The following LRRIQ1 variants were observed in gnomAD, a reference collection of about 807,000 sequenced individuals.
LRRIQ1 encodes leucine rich repeats and IQ motif containing 1.
In LRRIQ1, 210 loss-of-function variants were observed where a neutral mutation model predicts 211.9. The observed-to-expected ratio is 0.99, with a 90% CI of 0.89 to 1.11. The LOEUF (loss-of-function observed/expected upper bound fraction) is 1.11, where lower values mean the gene tolerates loss of function less well. Among genes scored for constraint, LRRIQ1 ranks in the 50% most tolerant of loss-of-function variants. The pLI is 0.00. For synonymous variants in LRRIQ1, 699 were observed against 650.1 expected (o/e 1.08, Z -1.14); for missense variants, 2,136 against 1,939.5 (o/e 1.10, Z -1.90).
At chr12:85,262,800 C>T (rs1896335327) in intron 1 of LRRIQ1, 1 of 380,392 alleles carries the variant, frequency 2.6e-6, no homozygotes, top group African/African-American at 2.2e-5. Context: ...CTGTTAAACT[C>T]CAAGATCATA....
chr12:85,161,776 C>T (rs964514240), intron 24 of LRRIQ1, among the ~76,000 whole-genome samples: 1 of 152,140 alleles, frequency 6.6e-6, no homozygotes, highest in African/African-American at 2.4e-5. Flanking sequence ...CGTGATGGCT[C>T]ACGCCTGTAA....
intron 23 of LRRIQ1, among the ~76,000 whole-genome samples, chr12:85,155,284 A>G (rs1228643780): frequency 2.0e-5 from 3 of 151,530 alleles, no homozygotes; most frequent in African/African-American, 7.3e-5. Flanking sequence ...GAAAATATAA[A>G]CACCTTGCTT....
rs867487096 is a variant in LRRIQ1, at chr12:85,124,274, T to C, written c.3762T>C (p.Arg1254=). Residue 1254 remains arginine (R), a synonymous_variant, in exon 17 of 27, where the codon CGT becomes CGC. Coordinates refer to ENST00000393217, the MANE Select transcript of LRRIQ1 (RefSeq NM_001079910.2). ...LQNGVFYSCA[R]EGEPDSPDIP... Reference sequence around the variant, plus strand: ...ATGGAGTCTTCTACTCTTGTGCACGTGAAGGTGAGCCAGACTCACCAGATA... The same window carrying C: ...ATGGAGTCTTCTACTCTTGTGCACGCGAAGGTGAGCCAGACTCACCAGATA... The C allele has an allele frequency of 8.1e-6, 13 of 1,614,024 alleles. 2 individuals carry two copies. In the Middle Eastern group the frequency reaches 2.0e-3, roughly 246 times the overall value.
the LRRIQ1 span, among the ~76,000 whole-genome samples, chr12:85,272,652 T>G: frequency 6.6e-6 from 1 of 152,198 alleles, no homozygotes; most frequent in African/African-American, 2.4e-5. Flanking sequence ...TTTAATTGCT[T>G]ATTATATTTG....
At chr12:85,117,983 A>G (rs373011705) in intron 15 of LRRIQ1, among the ~76,000 whole-genome samples, 72 of 152,172 alleles carry the variant, frequency 4.7e-4, no homozygotes, top group African/African-American at 1.6e-3. Flanking sequence ...TGATTTCTTC[A>G]TTTATTTTTG....
rs1290778405 is a variant in LRRIQ1, at chr12:85,098,858, TA to T, written c.3082-6del. The T allele has an allele frequency of 1.3e-6, 2 of 1,537,894 alleles. No individual in the cohort carries two copies. Among genetic ancestry groups the T allele is most frequent in the Admixed American group, 4.2e-5 (2 of 47,980 alleles). On this transcript the variant is annotated splice_region_variant and splice_polypyrimidine_tract_variant and intron_variant, in intron 12 of 26. Transcript: ENST00000393217. Reference sequence around the variant, plus strand: ...TTAATATAAACTAATGAACCAAATTTAAATATAGCTTCCATCCTTGGAGAAT... The same window carrying T: ...TTAATATAAACTAATGAACCAAATTTAATATAGCTTCCATCCTTGGAGAAT...
At chr12:85,235,234 A>G (rs1378873144) in intron 26 of LRRIQ1, among the ~76,000 whole-genome samples, 2 of 152,204 alleles carry the variant, frequency 1.3e-5, no homozygotes, top group African/African-American at 2.4e-5. Context: ...GTCACGTCAA[A>G]TATATAGACA....
At chr12:85,088,582 G>A (rs1395089398) in intron 11 of LRRIQ1, among the ~76,000 whole-genome samples, 6 of 152,110 alleles carry the variant, frequency 3.9e-5, no homozygotes, top group African/African-American at 1.4e-4. Context: ...CCATGATGAT[G>A]GAATGTTTTT....
intron 19 of LRRIQ1, among the ~76,000 whole-genome samples, chr12:85,145,421 G>C (rs1444803315): frequency 6.6e-6 from 1 of 151,586 alleles, no homozygotes; most frequent in Non-Finnish European, 1.5e-5. Context: ...ACAACCAAGA[G>C]TCATTTTATT....
intron 1 of LRRIQ1, among the ~76,000 whole-genome samples, chr12:85,259,395 T>G (rs2137330152): frequency 6.6e-6 from 1 of 152,192 alleles, no homozygotes; most frequent in Admixed American, 6.5e-5. Context: ...TTTTTTCATT[T>G]CTGGAGTAAT....
At chr12:85,119,812 A>C (rs1887844941) in intron 15 of LRRIQ1, among the ~76,000 whole-genome samples, 1 of 152,084 alleles carries the variant, frequency 6.6e-6, no homozygotes, top group South Asian at 2.1e-4. Flanking sequence ...TCATCTGTAT[A>C]TATTCTTTAG....
intron 24 of LRRIQ1, among the ~76,000 whole-genome samples, chr12:85,208,007 T>A (rs538635486): frequency 7.1e-6 from 1 of 140,856 alleles, no homozygotes; most frequent in East Asian, 2.0e-4. Context: ...GTAACTTTCC[T>A]CTCATGTTCC....
chr12:85,217,508 A>ATATGTATATATATATATATATG (rs1216212048), intron 24 of LRRIQ1, among the ~76,000 whole-genome samples: 1 of 64,272 alleles, frequency 1.6e-5, no homozygotes, highest in Non-Finnish European at 2.5e-5. Context: ...ATATATATAT[A>ATATGTATATATATATATATATG]TGTGTGTGTG....
chr12:85,051,137 A>C (rs1469981508), intron 6 of LRRIQ1, among the ~76,000 whole-genome samples: 1 of 151,904 alleles, frequency 6.6e-6, no homozygotes, highest in African/African-American at 2.4e-5. Context: ...TAGTTGCCAC[A>C]AGATCTGACT....
At chr12:85,244,701 G>T in intron 26 of LRRIQ1, 88 bp from the exon 27 acceptor site, 2 of 1,142,226 alleles carry the variant, frequency 1.8e-6, no homozygotes, top group Non-Finnish European at 2.6e-6. Context: ...GACAGAGCCT[G>T]TTTGTTTATT....
intron 24 of LRRIQ1, among the ~76,000 whole-genome samples, chr12:85,208,403 C>T (rs978773257): frequency 8.6e-5 from 13 of 151,990 alleles, no homozygotes; most frequent in Admixed American, 7.2e-4. Context: ...TAGAAATTCA[C>T]ATTAATGCGG....
At chr12:85,222,217 A>G (rs780726731) in intron 24 of LRRIQ1, among the ~76,000 whole-genome samples, 2 of 152,188 alleles carry the variant, frequency 1.3e-5, no homozygotes, top group African/African-American at 2.4e-5. Flanking sequence ...CTTTGAATAC[A>G]TGTCTCAGAA....
intron 11 of LRRIQ1, among the ~76,000 whole-genome samples, chr12:85,074,879 C>T (rs527872601): frequency 6.6e-6 from 1 of 152,022 alleles, no homozygotes; most frequent in East Asian, 1.9e-4. Flanking sequence ...ATAGCCAAAG[C>T]AAATGAAAAA....
At chr12:85,141,901 TTGAG>T (rs1889572316) in intron 19 of LRRIQ1, among the ~76,000 whole-genome samples, 1 of 146,538 alleles carries the variant, frequency 6.8e-6, no homozygotes, top group African/African-American at 2.6e-5. Context: ...CACTAGTTAA[TTGAG>T]TTTTATTTTT....
Sources: gnomAD v4.1 joint callset for allele counts (sites outside exome capture counted in the v4.1 genomes callset) on GRCh38, gnomAD v4.1.1 for gene constraint, MANE v1.5 for transcripts, NCBI Gene and HGNC (gene_info 2026-07-23, HGNC 2026-07-21) for gene names.